COMT: variants seen among roughly 807,000 people sequenced by gnomAD.
The protein encoded by COMT is catechol-O-methyltransferase.
COMT carries 13 observed loss-of-function variants against 18.9 expected under a neutral mutation model. The ratio of observed to expected loss-of-function variants is 0.69; its 90% CI spans 0.45 to 1.09. The LOEUF (loss-of-function observed/expected upper bound fraction) is 1.09. Among genes scored for constraint, COMT ranks in the 50% least tolerant of loss-of-function variants. The pLI is 0.00. For synonymous variants in COMT, 150 were observed against 160.9 expected (o/e 0.93, Z 0.51); for missense variants, 329 against 361.8 (o/e 0.91, Z 0.73).
intron 1 of COMT, 128 bp downstream of exon 1, chr22:19,942,025 G>A (rs867500851): frequency 2.3e-6 from 1 of 435,606 alleles, no homozygotes. Context: ...GACGTTGGGT[G>A]GGAGTCTCCG....
At chr22:19,947,014 C>CAAGCGA (rs1941849132) in intron 1 of COMT, among the ~76,000 whole-genome samples, 1 of 147,946 alleles carries the variant, frequency 6.8e-6, no homozygotes, top group Admixed American at 6.9e-5. Context: ...CTCCTGGGCT[C>CAAGCGA]AAGCGATTCT....
At chr22:19,956,684 A>C (rs982244470) in intron 1 of COMT, among the ~76,000 whole-genome samples, 2 of 151,324 alleles carry the variant, frequency 1.3e-5, no homozygotes, top group African/African-American at 4.9e-5. Context: ...CCCATTTTCT[A>C]GTTATCTTTT....
intron 1 of COMT, among the ~76,000 whole-genome samples, chr22:19,956,137 C>CTTTTTTTTTTTTTT (rs71186638): frequency 4.7e-5 from 4 of 84,816 alleles, no homozygotes; most frequent in Admixed American, 3.5e-4. Flanking sequence ...TTCTTTTTTT[C>CTTTTTTTTTTTTTT]TTTTTTTTTT....
rs1028615397 is a variant in COMT at position 19,969,439 on chromosome 22, G to C, written c.*703G>C. The stretch of plus-strand genomic sequence containing the variant: ...ACAGAAGAGGCAATGGCTCAGACCA[G>C]CTCCCGCATCCCTGTAGTTGCCTCC... On this transcript the variant is annotated 3_prime_UTR_variant, in exon 6 of 6. Transcript: ENST00000361682. The C allele has an allele frequency of 2.6e-5, 4 of 152,456 alleles. No individual in the cohort carries two copies. Among genetic ancestry groups the C allele is most frequent in the Non-Finnish European group, 4.4e-5 (3 of 68,284 alleles). 9.4% of individuals were successfully genotyped at this position (152,456 alleles called of 1,614,324 possible). A position where few individuals can be genotyped will look rare whatever the true frequency, so the allele number is the denominator to read the frequency against.
chr22:19,968,437 G>C, intron 5 of COMT, 99 bp from the exon 6 acceptor site: 2 of 1,166,406 alleles, frequency 1.7e-6, no homozygotes, highest in Non-Finnish European at 2.5e-6. Context: ...AGGCACAGGC[G>C]TGGTGCCGTG....
At chr22:19,941,954 C>T (rs1490428016) in intron 1 of COMT, 57 bp downstream of exon 1, 4 of 716,944 alleles carry the variant, frequency 5.6e-6, no homozygotes, top group African/African-American at 1.9e-5. Context: ...CGGGGGCCTT[C>T]AGACCTAGGG....
At chr22:19,956,128 T>C (rs948643011) in intron 1 of COMT, among the ~76,000 whole-genome samples, 13 of 141,314 alleles carry the variant, frequency 9.2e-5, no homozygotes, top group Admixed American at 2.9e-4. Flanking sequence ...TTCTTTTTTT[T>C]CTTTTTTTCT....
chr22:19,963,483 A>C, intron 3 of COMT, 83 bp from the exon 4 acceptor site: 1 of 1,501,708 alleles, frequency 6.7e-7, no homozygotes, highest in Non-Finnish European at 9.1e-7. Context: ...GCTCTTTGGG[A>C]GAGGTGGGGG....
chr22:19,942,718 G>A (rs918363398), intron 1 of COMT, among the ~76,000 whole-genome samples: 4 of 152,162 alleles, frequency 2.6e-5, no homozygotes, highest in African/African-American at 4.8e-5. Context: ...GATTTTACTT[G>A]GTAACTACTG....
intron 5 of COMT, among the ~76,000 whole-genome samples, chr22:19,966,183 G>A (rs1361519903): frequency 6.6e-6 from 1 of 152,214 alleles, no homozygotes; most frequent in Admixed American, 6.5e-5. Context: ...GGGTGTCCTT[G>A]TTAAACGCAC....
chr22:19,958,163 T>A (rs1367477350), intron 1 of COMT, among the ~76,000 whole-genome samples: 1 of 102,496 alleles, frequency 9.8e-6, no homozygotes, highest in East Asian at 2.4e-4. Flanking sequence ...CATAGCATGT[T>A]TAATTTTTTT....
At chr22:19,966,392 C>G (rs1293688349) in intron 5 of COMT, among the ~76,000 whole-genome samples, 1 of 150,668 alleles carries the variant, frequency 6.6e-6, no homozygotes, top group South Asian at 2.1e-4. Flanking sequence ...GCTGTAGTCA[C>G]CAAGTCCAGC....
chr22:19,962,216 A>AT (rs1459900738), intron 2 of COMT: 1 of 443,820 alleles, frequency 2.3e-6, no homozygotes, highest in African/African-American at 2.0e-5. Context: ...CTGCTTCTGT[A>AT]TTTTGTGTGG....
intron 5 of COMT, chr22:19,967,730 A>G: frequency 3.8e-6 from 1 of 263,796 alleles, no homozygotes; most frequent in South Asian, 3.7e-5. Context: ...GACTAAGTCA[A>G]ATTTCCAAGA....
At chr22:19,959,556 A>G (rs1942144084) in intron 1 of COMT, among the ~76,000 whole-genome samples, 1 of 150,974 alleles carries the variant, frequency 6.6e-6, no homozygotes. Context: ...GGCGGGGCGG[A>G]GCGGAGGTGG....
intron 1 of COMT, among the ~76,000 whole-genome samples, chr22:19,947,361 G>C (rs35791904): frequency 5.3e-5 from 8 of 152,298 alleles, no homozygotes; most frequent in African/African-American, 1.9e-4. Context: ...AGAAAAGACA[G>C]CTGGGCCCGG....
chr22:19,947,146 C>T lies in COMT; in HGVS notation c.-92+5249C>T, dbSNP rs111567310. On this transcript the variant is annotated intron_variant, in intron 1 of 5. Coordinates refer to ENST00000361682, the MANE Select transcript of COMT (RefSeq NM_000754.4). ...GGCCAGGCTGGTCTTGAACTCCTGA[C>T]CCCAGGTGACCTGCCCACCTTGGCC... Among the ~76,000 whole-genome samples, 306 of 152,054 alleles carry T rather than the reference C, an allele frequency of 2.0e-3. 2 individuals are homozygous for T. Among genetic ancestry groups the T allele is most frequent in the Non-Finnish European group, 3.6e-3 (245 of 67,990 alleles).
At chr22:19,958,646 C>T (rs1482537478) in intron 1 of COMT, among the ~76,000 whole-genome samples, 3 of 140,816 alleles carry the variant, frequency 2.1e-5, no homozygotes, top group Non-Finnish European at 3.0e-5. Flanking sequence ...TTTGGAAGGC[C>T]AAGGGGGTGG....
At chr22:19,960,634 G>A (rs1418354132) in intron 1 of COMT, among the ~76,000 whole-genome samples, 5 of 152,212 alleles carry the variant, frequency 3.3e-5, no homozygotes, top group African/African-American at 4.8e-5. Flanking sequence ...AAGGCAGCAC[G>A]ATTCCCACTC....
Sources: gnomAD v4.1 joint callset for allele counts (sites outside exome capture counted in the v4.1 genomes callset) on GRCh38, gnomAD v4.1.1 for gene constraint, MANE v1.5 for transcripts, NCBI Gene and HGNC (gene_info 2026-07-23, HGNC 2026-07-21) for gene names.